Variants in COL12A1 observed in about 807,000 individuals in gnomAD.
COL12A1 encodes collagen alpha-1(XII) chain.
COL12A1 carries 114 observed loss-of-function variants against 349.7 expected under a neutral mutation model. The observed-to-expected ratio is 0.33, with a 90% CI of 0.28 to 0.38. The LOEUF (loss-of-function observed/expected upper bound fraction) is 0.38. COL12A1 is among the 10% of genes least tolerant of loss of function. The probability of loss-of-function intolerance (pLI) is 1.00; values close to 1 mark genes in which losing one functional copy is unlikely to be tolerated. For synonymous variants in COL12A1, 1,369 were observed against 1,329.0 expected, an observed-to-expected ratio of 1.03 and a Z score of -0.66; for missense variants, 3,284 against 3,756.9, an observed-to-expected ratio of 0.87 and a Z score of 3.29.
intron 13 of COL12A1, among the ~76,000 whole-genome samples, chr6:75,171,411 C>CA (rs1768626523): frequency 6.6e-6 from 1 of 152,018 alleles, no homozygotes; most frequent in East Asian, 1.9e-4. Context: ...GGCTGCATTT[C>CA]AAAAAAAGTA....
intron 13 of COL12A1, among the ~76,000 whole-genome samples, chr6:75,166,585 A>C (rs1024064675): frequency 1.3e-5 from 2 of 152,170 alleles, no homozygotes; most frequent in Non-Finnish European, 2.9e-5. Context: ...CCATATTTTA[A>C]ATGTAAGATA....
At chr6:75,160,440 C>G (rs991599327) in intron 14 of COL12A1, among the ~76,000 whole-genome samples, 2 of 152,138 alleles carry the variant, frequency 1.3e-5, no homozygotes, top group Non-Finnish European at 2.9e-5. Context: ...AGCATGGGCT[C>G]GGGTTTCTGC....
intron 17 of COL12A1, 70 bp downstream of exon 17, chr6:75,154,346 A>C: frequency 6.5e-7 from 1 of 1,529,780 alleles, no homozygotes. Flanking sequence ...ATTGTATGAT[A>C]CCCTAACAGT....
At chr6:75,121,572 G>C (rs748002320) in intron 43 of COL12A1, 131 bp from the exon 44 acceptor site, 48 of 1,084,098 alleles carry the variant, frequency 4.4e-5, no homozygotes, top group Non-Finnish European at 6.0e-5. Context: ...GCACTGCCTG[G>C]GAGCTTGTTA....
intron 23 of COL12A1, among the ~76,000 whole-genome samples, chr6:75,147,038 T>C (rs1042573277): frequency 6.6e-6 from 1 of 152,184 alleles, no homozygotes; most frequent in African/African-American, 2.4e-5. Context: ...TAATTTCATA[T>C]GTCTCTGGAA....
intron 42 of COL12A1, among the ~76,000 whole-genome samples, chr6:75,123,651 A>G (rs991594137): frequency 2.0e-5 from 3 of 152,178 alleles, no homozygotes; most frequent in African/African-American, 7.2e-5. Context: ...GCCTTCAGAT[A>G]GGGTCAAATG....
intron 58 of COL12A1, 49 bp downstream of exon 58, chr6:75,101,551 C>A (rs1353030660): frequency 6.4e-7 from 1 of 1,559,112 alleles, no homozygotes; most frequent in East Asian, 2.2e-5. Flanking sequence ...AATAGGCAAC[C>A]ATATGACATC....
At chr6:75,165,368 T>A in intron 14 of COL12A1, 139 bp downstream of exon 14, 1 of 1,196,902 alleles carries the variant, frequency 8.4e-7, no homozygotes, top group Non-Finnish European at 1.2e-6. Context: ...TAAGCCAAAT[T>A]CTTTAAAGAT....
At chr6:75,195,648 G>A (rs907674707) in intron 2 of COL12A1, among the ~76,000 whole-genome samples, 1 of 152,078 alleles carries the variant, frequency 6.6e-6, no homozygotes, top group East Asian at 1.9e-4. Context: ...TATATAAATA[G>A]CGATATTCAA....
rs752784820 is a variant in COL12A1 at position 75,137,549 on chromosome 6, A to G, written c.5282T>C (p.Val1761Ala). The part of the protein sequence containing the change: ...APKSGPRNLQ[V>A]YNATSNSLTV... ...CAGGCTGTTAGATGTTGCATTGTAC[A>G]CTTGAAGGTTTCGTGGGCCACTTTT... Residue 1761 changes from valine (V) to alanine (A), a missense_variant, in exon 31 of 66, where the codon GTG becomes GCG. Coordinates refer to ENST00000322507, the MANE Select transcript of COL12A1 (RefSeq NM_004370.6). The G allele has an allele frequency of 6.2e-7, 1 of 1,613,644 alleles. No individual in the cohort carries two copies. Among genetic ancestry groups the G allele is most frequent in the Admixed American group, 1.7e-5 (1 of 59,964 alleles).
intron 21 of COL12A1, among the ~76,000 whole-genome samples, chr6:75,148,793 C>T (rs889000902): frequency 1.3e-5 from 2 of 152,124 alleles, no homozygotes; most frequent in Non-Finnish European, 2.9e-5. Context: ...GTCACTGAGA[C>T]TCAAGACCCG....
chr6:75,097,470 A>G (rs1768105150), intron 58 of COL12A1, among the ~76,000 whole-genome samples, 164 bp from the exon 59 acceptor site: 1 of 152,212 alleles, frequency 6.6e-6, no homozygotes, highest in Non-Finnish European at 1.5e-5. Flanking sequence ...AAAAAAAATA[A>G]AATTAAAAAA....
intron 40 of COL12A1, among the ~76,000 whole-genome samples, chr6:75,124,855 T>C (rs1248511705): frequency 6.6e-6 from 1 of 152,182 alleles, no homozygotes; most frequent in Non-Finnish European, 1.5e-5. Flanking sequence ...CATTCATGGA[T>C]AAAATGACAA....
At chr6:75,172,171 AG>A (rs1440164005) in intron 13 of COL12A1, among the ~76,000 whole-genome samples, 26 of 152,234 alleles carry the variant, frequency 1.7e-4, no homozygotes, top group African/African-American at 5.8e-4. Flanking sequence ...ACAAGTTGAT[AG>A]GTTTTTGATA....
In COL12A1 at chr6:75,106,458, C is replaced by T; in HGVS notation, c.8139G>A (p.Val2713=). ...IQSFDIVCSP[V]WTSRDRCCDI... is the part of the protein sequence containing the mutation. ...CACAGCATCTGTCTCTACTGGTCCACACTGGACTGCAGACAATGTCAAAAC... is the reference window on the plus strand; with the variant it reads ...CACAGCATCTGTCTCTACTGGTCCATACTGGACTGCAGACAATGTCAAAAC... Residue 2713 remains valine (V), a synonymous_variant, in exon 53 of 66, where the codon GTG becomes GTA. Coordinates refer to ENST00000322507, the MANE Select transcript of COL12A1 (RefSeq NM_004370.6). 1 of 1,613,976 alleles carries T rather than the reference C, an allele frequency of 6.2e-7. No homozygotes were observed. Among genetic ancestry groups the T allele is most frequent in the Non-Finnish European group, 8.5e-7 (1 of 1,179,872 alleles).
At chr6:75,155,157 A>G (rs1767688696) in intron 16 of COL12A1, among the ~76,000 whole-genome samples, 1 of 152,108 alleles carries the variant, frequency 6.6e-6, no homozygotes, top group Admixed American at 6.6e-5. Context: ...CACAGCCTGG[A>G]GCTGGACCTT....
At chr6:75,104,778 A>T (rs1275239985) in intron 54 of COL12A1, among the ~76,000 whole-genome samples, 4 of 152,166 alleles carry the variant, frequency 2.6e-5, no homozygotes, top group Non-Finnish European at 5.9e-5. Context: ...TGTTATTCTC[A>T]TGATATGTCT....
Position 75,134,783 on chromosome 6 carries a change from C to T in COL12A1, c.5467G>A (p.Val1823Ile), listed in dbSNP as rs201408175. ...LKPDTPYTIT[V>I]SSLYPDGEGG... ...TCACCATCAGGATACAGAGAGGATA[C>T]GGTGATAGTGTAAGGAGTGTCTGGC... is the stretch of plus-strand genomic sequence containing the variant. The change falls in exon 32 of 66, where the codon GTA becomes ATA. Residue 1823 changes from valine (V) to isoleucine (I), a missense_variant. Physicochemically the swap from Val to Ile is conservative, Grantham distance 29. This residue lies in a region of COL12A1 where 2,601 missense variants were observed against 2,824.8 expected (regional missense o/e 0.92). Coordinates refer to ENST00000322507, the MANE Select transcript of COL12A1 (RefSeq NM_004370.6). 2.9e-4 allele frequency: 475 copies of T among 1,612,958 alleles called. 2 individuals are homozygous for T. Among genetic ancestry groups the T allele is most frequent in the Middle Eastern group, 2.1e-3 (13 of 6,048 alleles).
chr6:75,186,976 G>A (rs1248233481), intron 8 of COL12A1, among the ~76,000 whole-genome samples: 2 of 151,972 alleles, frequency 1.3e-5, no homozygotes, highest in Non-Finnish European at 2.9e-5. Flanking sequence ...TTGGAGGGTT[G>A]AAGGTAGGAG....
Sources: allele counts gnomAD v4.1 joint callset (sites outside exome capture counted in the v4.1 genomes callset), GRCh38; gene constraint gnomAD v4.1.1; regional missense constraint gnomAD v4.1.1; transcripts MANE v1.5; gene names NCBI Gene and HGNC (gene_info 2026-07-23, HGNC 2026-07-21).